The following RBM26 variants were observed in gnomAD, a reference collection of about 807,000 sequenced individuals.
The protein encoded by RBM26 is RNA-binding protein 26.
RBM26 carries 30 observed loss-of-function variants against 123.6 expected under a neutral mutation model. The ratio of observed to expected loss-of-function variants is 0.24; its 90% CI spans 0.18 to 0.33. The LOEUF is 0.33. Among genes scored for constraint, RBM26 ranks in the 10% least tolerant of loss-of-function variants. The probability of loss-of-function intolerance (pLI) is 1.00; values close to 1 mark genes in which losing one functional copy is unlikely to be tolerated. For synonymous variants in RBM26, 400 were observed against 404.4 expected (o/e 0.99, Z 0.13); for missense variants, 947 against 1,203.6 (o/e 0.79, Z 3.15).
intron 1 of RBM26, among the ~76,000 whole-genome samples, chr13:79,382,054 C>T (rs957481561): frequency 2.0e-5 from 3 of 151,892 alleles, no homozygotes; most frequent in Non-Finnish European, 4.4e-5. Context: ...AAAATATGGA[C>T]CACAGAAATT....
intron 1 of RBM26, among the ~76,000 whole-genome samples, chr13:79,397,271 T>A (rs1267737456): frequency 6.6e-6 from 1 of 152,104 alleles, no homozygotes; most frequent in East Asian, 1.9e-4. Flanking sequence ...AAATTCTCAA[T>A]CTGGTAAAAG....
chr13:79,331,234 AC>A (rs1282685562), intron 20 of RBM26, among the ~76,000 whole-genome samples: 1 of 151,938 alleles, frequency 6.6e-6, no homozygotes, highest in Non-Finnish European at 1.5e-5. Flanking sequence ...GAACTCCTGG[AC>A]TCAAGAGATC....
intron 1 of RBM26, among the ~76,000 whole-genome samples, chr13:79,403,339 A>T (rs2079212715): frequency 6.6e-6 from 1 of 152,186 alleles, no homozygotes; most frequent in African/African-American, 2.4e-5. Context: ...TTATTACAAC[A>T]TAATGACTGC....
intron 14 of RBM26, among the ~76,000 whole-genome samples, chr13:79,348,972 T>G (rs1330000572): frequency 1.3e-5 from 2 of 152,178 alleles, no homozygotes; most frequent in African/African-American, 4.8e-5. Context: ...TCCCTTAACT[T>G]ATGATGGGGC....
At chr13:79,370,361 T>C (rs2075756714) in intron 5 of RBM26, among the ~76,000 whole-genome samples, 1 of 152,174 alleles carries the variant, frequency 6.6e-6, no homozygotes, top group South Asian at 2.1e-4. Flanking sequence ...ACATATGTAT[T>C]GTCCTGCTTC....
chr13:79,365,100 A>T (rs2075120245), intron 9 of RBM26, among the ~76,000 whole-genome samples: 1 of 152,186 alleles, frequency 6.6e-6, no homozygotes, highest in Admixed American at 6.5e-5. Flanking sequence ...ACAGAATTAC[A>T]CAGTATATTT....
intron 1 of RBM26, among the ~76,000 whole-genome samples, chr13:79,380,761 A>G (rs1321368190): frequency 1.3e-5 from 2 of 151,832 alleles, no homozygotes; most frequent in East Asian, 1.9e-4. Flanking sequence ...CTGTTAACCA[A>G]CCTCTCCCTA....
At chr13:79,322,004 G>A (rs973881370) in intron 21 of RBM26, among the ~76,000 whole-genome samples, 22 of 151,368 alleles carry the variant, frequency 1.5e-4, no homozygotes, top group African/African-American at 5.3e-4. Context: ...TAAAATAAAG[G>A]AAAGCTGAAA....
At chr13:79,322,800 C>T (rs899805809) in intron 20 of RBM26, among the ~76,000 whole-genome samples, 5 of 151,418 alleles carry the variant, frequency 3.3e-5, no homozygotes, top group African/African-American at 1.2e-4. Flanking sequence ...ATGACAACTG[C>T]TGTTTAAGAT....
chr13:79,356,754 C>G (rs1192012986), intron 11 of RBM26, among the ~76,000 whole-genome samples: 8 of 151,964 alleles, frequency 5.3e-5, no homozygotes, highest in Non-Finnish European at 1.2e-4. Context: ...AACAATAATA[C>G]AGGTAGTACA....
intron 20 of RBM26, among the ~76,000 whole-genome samples, chr13:79,330,465 A>T (rs2069116044): frequency 6.6e-6 from 1 of 152,186 alleles, no homozygotes; most frequent in Admixed American, 6.5e-5. Context: ...ATAAAAATGC[A>T]GCCTTTCACA....
intron 1 of RBM26, among the ~76,000 whole-genome samples, chr13:79,396,672 G>GA (rs780566786): frequency 0.031 from 3,609 of 115,726 alleles, 44 homozygotes; most frequent in African/African-American, 0.041. Context: ...AAATTTTAAG[G>GA]AAAAAAAAAT....
chr13:79,396,016 A>T (rs2078529973), intron 1 of RBM26, among the ~76,000 whole-genome samples: 1 of 152,202 alleles, frequency 6.6e-6, no homozygotes, highest in South Asian at 2.1e-4. Context: ...AAACACATAA[A>T]CACAGACAGA....
intron 19 of RBM26, among the ~76,000 whole-genome samples, chr13:79,336,474 A>T (rs1225756378): frequency 2.0e-5 from 3 of 152,196 alleles, no homozygotes; most frequent in Non-Finnish European, 4.4e-5. Flanking sequence ...TACCACTAAG[A>T]ATCACAGCAT....
chr13:79,349,852 G>A (rs760362401), intron 14 of RBM26, among the ~76,000 whole-genome samples: 7 of 151,876 alleles, frequency 4.6e-5, no homozygotes, highest in Non-Finnish European at 7.4e-5. Context: ...CGCCCGCCAC[G>A]AGGCCCAGCT....
chr13:79,367,535 G>A (rs1200283824), intron 6 of RBM26, among the ~76,000 whole-genome samples: 3 of 151,596 alleles, frequency 2.0e-5, no homozygotes, highest in Non-Finnish European at 4.4e-5. Flanking sequence ...TGAATAGCTT[G>A]GTGCCCTCCC....
At chr13:79,330,879 G>A (rs1027414839) in intron 20 of RBM26, among the ~76,000 whole-genome samples, 10 of 152,044 alleles carry the variant, frequency 6.6e-5, no homozygotes, top group Non-Finnish European at 1.0e-4. Flanking sequence ...TGGTAGCACA[G>A]TGCCCATCAC....
intron 1 of RBM26, among the ~76,000 whole-genome samples, chr13:79,398,595 C>CTA (rs1252667604): frequency 6.6e-6 from 1 of 152,138 alleles, no homozygotes; most frequent in Non-Finnish European, 1.5e-5. Context: ...GTTAGAATTA[C>CTA]TATAATTCTT....
intron 1 of RBM26, among the ~76,000 whole-genome samples, chr13:79,385,609 A>C (rs1290109033): frequency 1.3e-5 from 2 of 152,206 alleles, no homozygotes; most frequent in African/African-American, 2.4e-5. Flanking sequence ...GAACCACTCC[A>C]AACAGCTTTT....
Sources: gnomAD v4.1 joint callset for allele counts (sites outside exome capture counted in the v4.1 genomes callset) on GRCh38, gnomAD v4.1.1 for gene constraint, MANE v1.5 for transcripts, NCBI Gene and HGNC (gene_info 2026-07-23, HGNC 2026-07-21) for gene names.